The following GRB2 variants were observed in gnomAD, a reference collection of about 807,000 sequenced individuals.
GRB2 encodes growth factor receptor bound protein 2.
In GRB2, 2 loss-of-function variants were observed where a neutral mutation model predicts 27.4. That is an observed-to-expected ratio of 0.07 (90% CI 0.03 to 0.23). The LOEUF (loss-of-function observed/expected upper bound fraction) is 0.23. Among genes scored for constraint, GRB2 ranks in the 10% least tolerant of loss-of-function variants. The probability of loss-of-function intolerance (pLI) is 1.00; values close to 1 mark genes in which losing one functional copy is unlikely to be tolerated. For missense variants in GRB2, 102 were observed against 282.4 expected (o/e 0.36, Z 4.58); for synonymous variants, 94 against 99.6 (o/e 0.94, Z 0.33).
intron 2 of GRB2, among the ~76,000 whole-genome samples, chr17:75,391,954 T>A (rs2079001565): frequency 6.6e-6 from 1 of 152,172 alleles, no homozygotes; most frequent in South Asian, 2.1e-4. Context: ...GTTTCTAAGA[T>A]AAACTTATGA....
intron 2 of GRB2, among the ~76,000 whole-genome samples, chr17:75,343,416 A>C (rs139914269): frequency 8.4e-4 from 128 of 152,310 alleles, no homozygotes; most frequent in African/African-American, 3.0e-3. Context: ...AGGACTATTC[A>C]TGTATTAAAA....
At chr17:75,381,159 C>A (rs2078925186) in intron 2 of GRB2, among the ~76,000 whole-genome samples, 1 of 151,950 alleles carries the variant, frequency 6.6e-6, no homozygotes, top group Non-Finnish European at 1.5e-5. Flanking sequence ...TGTTATACAA[C>A]CACTGAAAAT....
chr17:75,378,218 C>T (rs150096099), intron 2 of GRB2, among the ~76,000 whole-genome samples: 110 of 152,048 alleles, frequency 7.2e-4, no homozygotes, highest in African/African-American at 2.5e-3. Context: ...GGTGAAACAC[C>T]GTCTCTACTA....
chr17:75,357,689 G>T (rs1041055074), intron 2 of GRB2, among the ~76,000 whole-genome samples: 1 of 152,178 alleles, frequency 6.6e-6, no homozygotes, highest in Admixed American at 6.5e-5. Context: ...GGGAGGCCGA[G>T]GAGAGTAAAT....
intron 2 of GRB2, among the ~76,000 whole-genome samples, chr17:75,355,722 G>T (rs544716077): frequency 6.6e-6 from 1 of 151,752 alleles, no homozygotes; most frequent in East Asian, 1.9e-4. Flanking sequence ...CTGTGGGGCT[G>T]GACAAGTTTG....
chr17:75,349,243 T>A (rs1186521404), intron 2 of GRB2, among the ~76,000 whole-genome samples: 1 of 152,214 alleles, frequency 6.6e-6, no homozygotes, highest in African/African-American at 2.4e-5. Flanking sequence ...GGAGCTGTCA[T>A]ATGTTTCAAT....
chr17:75,327,582 G>C (rs2145822057), intron 3 of GRB2, among the ~76,000 whole-genome samples: 1 of 147,224 alleles, frequency 6.8e-6, no homozygotes, highest in African/African-American at 2.5e-5. Context: ...TATTGGCCAG[G>C]CTGGTCTTGA....
At chr17:75,388,680 A>G (rs971355947) in intron 2 of GRB2, among the ~76,000 whole-genome samples, 3 of 151,260 alleles carry the variant, frequency 2.0e-5, no homozygotes, top group Admixed American at 6.6e-5. Context: ...GGCTCAAGCA[A>G]TCTTCCTCTC....
chr17:75,322,583 T>TTA (rs2078467895), intron 4 of GRB2, among the ~76,000 whole-genome samples: 1 of 152,178 alleles, frequency 6.6e-6, no homozygotes, highest in Non-Finnish European at 1.5e-5. Flanking sequence ...TTCAGGAATT[T>TTA]TAGCTCCACT....
intron 3 of GRB2, among the ~76,000 whole-genome samples, chr17:75,328,052 G>A (rs1391993063): frequency 6.6e-6 from 1 of 152,206 alleles, no homozygotes; most frequent in African/African-American, 2.4e-5. Flanking sequence ...GCTGGGCCCG[G>A]TACCTCATGC....
intron 2 of GRB2, among the ~76,000 whole-genome samples, chr17:75,392,640 GAAAAATGTC>G (rs1443267144): frequency 6.6e-6 from 1 of 152,104 alleles, no homozygotes; most frequent in Non-Finnish European, 1.5e-5. Context: ...GGCTCAGAAG[GAAAAATGTC>G]AAAACTTGAG....
chr17:75,399,226 G>C (rs925126562), intron 1 of GRB2, among the ~76,000 whole-genome samples: 2 of 150,218 alleles, frequency 1.3e-5, no homozygotes, highest in Non-Finnish European at 3.0e-5. Flanking sequence ...TTTTGTGTGT[G>C]TGTGTGTGTG....
chr17:75,328,126 C>T (rs1249705092), intron 3 of GRB2, among the ~76,000 whole-genome samples: 14 of 151,792 alleles, frequency 9.2e-5, no homozygotes. Context: ...GAGTTTGAGA[C>T]CAGCCTGGCC....
chr17:75,347,889 C>T (rs1401077394), intron 2 of GRB2, among the ~76,000 whole-genome samples: 2 of 152,164 alleles, frequency 1.3e-5, no homozygotes, highest in Non-Finnish European at 2.9e-5. Flanking sequence ...CTGAAATTAG[C>T]CTAAAATCAG....
At chr17:75,393,431 A>G in intron 2 of GRB2, 120 bp downstream of exon 2, 1 of 798,830 alleles carries the variant, frequency 1.3e-6, no homozygotes, top group Non-Finnish European at 2.2e-6. Context: ...AACAAATATG[A>G]TGGTAAATGT....
chr17:75,345,249 T>C (rs1464561267), intron 2 of GRB2, among the ~76,000 whole-genome samples: 1 of 151,984 alleles, frequency 6.6e-6, no homozygotes, highest in African/African-American at 2.4e-5. Context: ...TTTCACCGTG[T>C]TAGCCAGGAT....
Position 75,339,080 on chromosome 17 carries a change from T to A in GRB2, c.79-6283A>T, listed in dbSNP as rs1598224867. 3.7e-6 allele frequency: 5 copies of A among 1,360,686 alleles called. No individual in the cohort carries two copies. The East Asian group carries it at 1.1e-4, about 31-fold the overall frequency. The allele number at this position is 1,360,686 out of a possible 1,614,324, so 84.3% of individuals were successfully genotyped here. A position where few individuals can be genotyped will look rare whatever the true frequency, so the allele number is the denominator to read the frequency against. ...TGCAGATCTAAGAGAATGCTGGCTA[T>A]TAAAAGATGCAAGCATTTTGAACTG... On this transcript the variant is annotated intron_variant, in intron 2 of 5. Coordinates refer to ENST00000316804, the MANE Select transcript of GRB2 (RefSeq NM_002086.5).
chr17:75,368,486 G>A (rs577458733), intron 2 of GRB2, among the ~76,000 whole-genome samples: 1 of 151,650 alleles, frequency 6.6e-6, no homozygotes, highest in African/African-American at 2.4e-5. Flanking sequence ...AGCCTCCAAA[G>A]TGCTGGGATT....
At chr17:75,329,127 G>A (rs1039482676) in intron 3 of GRB2, among the ~76,000 whole-genome samples, 2 of 151,780 alleles carry the variant, frequency 1.3e-5, no homozygotes, top group African/African-American at 4.8e-5. Context: ...CATGGCCTCG[G>A]CTGGCTCTCC....
Sources: allele counts gnomAD v4.1 joint callset (sites outside exome capture counted in the v4.1 genomes callset), GRCh38; gene constraint gnomAD v4.1.1; transcripts MANE v1.5; gene names NCBI Gene and HGNC (gene_info 2026-07-23, HGNC 2026-07-21).